PSTK: variants seen among roughly 807,000 people sequenced by gnomAD.
The protein encoded by PSTK is L-seryl-tRNA(Sec) kinase.
In PSTK, 26 loss-of-function variants were observed where a neutral mutation model predicts 38.6. The observed-to-expected ratio is 0.67, with a 90% CI of 0.49 to 0.94. The LOEUF (loss-of-function observed/expected upper bound fraction) is 0.94. Ranked by LOEUF, PSTK falls within the 40% of genes least tolerant of loss-of-function variation. PSTK has a pLI of 0.00. For missense variants in PSTK, 445 were observed against 436.3 expected (o/e 1.02, Z -0.18); for synonymous variants, 181 against 161.7 (o/e 1.12, Z -0.91).
intron 3 of PSTK, chr10:122,983,917 G>A (rs183493398): frequency 3.3e-4 from 53 of 158,348 alleles, no homozygotes; most frequent in Non-Finnish European, 5.6e-4. Context: ...CATTCATTAC[G>A]TATGTCTTGA....
Position 122,982,747 on chromosome 10 carries a change from A to T in PSTK, c.231A>T (p.Lys77Asn). 1 of 1,614,136 alleles carries T rather than the reference A, an allele frequency of 6.2e-7. No individual in the cohort carries two copies. Among genetic ancestry groups the T allele is most frequent in the Non-Finnish European group, 8.5e-7 (1 of 1,179,970 alleles). ...GTCTCTTGTAGCCATCCCAATGGAA[A>T]TTGCTTCGACAGGAACTGTTGAAGT... Reference protein sequence around the residue: ...ARARPAPSQWKLLRQELLKYL... With the variant: ...ARARPAPSQWNLLRQELLKYL... Residue 77 changes from lysine (K) to asparagine (N), a missense_variant, in exon 2 of 6, where the codon AAA becomes AAT. Physicochemically the swap from Lys to Asn is moderately conservative, Grantham distance 94. Coordinates refer to ENST00000406217, the MANE Select transcript of PSTK (RefSeq NM_001363531.2).
chr10:122,989,615 TA>T (rs1185465736), intron 5 of PSTK, among the ~76,000 whole-genome samples: 1 of 151,922 alleles, frequency 6.6e-6, no homozygotes, highest in African/African-American at 2.4e-5. Flanking sequence ...TGTGAGTATA[TA>T]AAAAAAACAC....
Position 122,986,424 on chromosome 10 carries a change from G to T in PSTK, c.783+49G>T, listed in dbSNP as rs749264449. The stretch of plus-strand genomic sequence containing the variant: ...TGTAAATGAGAAGGAACAACTTTTT[G>T]TAGGAAGATCTTTTGAGCCGAATAT... On this transcript the variant is annotated intron_variant, in intron 4 of 5. Coordinates refer to ENST00000406217, the MANE Select transcript of PSTK (RefSeq NM_001363531.2). 2.3e-6 allele frequency: 3 copies of T among 1,285,628 alleles called. No homozygotes were observed. In the Admixed American group the frequency reaches 5.1e-5, roughly 22 times the overall value. 79.6% of individuals were successfully genotyped at this position (1,285,628 alleles called of 1,614,324 possible).
At chr10:122,989,387 G>A (rs1028165338) in intron 5 of PSTK, among the ~76,000 whole-genome samples, 3 of 152,074 alleles carry the variant, frequency 2.0e-5, no homozygotes, top group African/African-American at 4.8e-5. Flanking sequence ...GAGTAGCTGG[G>A]ATTACAGGGA....
chr10:122,983,822 C>G (rs1404781631), intron 3 of PSTK: 1 of 236,228 alleles, frequency 4.2e-6, no homozygotes, highest in East Asian at 1.0e-4. Flanking sequence ...GCAACAGGTA[C>G]TGGGTCCTAT....
At chr10:122,986,996 GA>G in intron 5 of PSTK, 34 bp downstream of exon 5, 1 of 1,363,268 alleles carries the variant, frequency 7.3e-7, no homozygotes, top group Non-Finnish European at 1.0e-6. Flanking sequence ...GAGTTGGTAT[GA>G]TTGTGACTTT....
rs79236806 is a variant in PSTK, at chr10:122,983,421, G to A, written c.658G>A (p.Glu220Lys). The A allele has an allele frequency of 6.2e-7, 1 of 1,613,982 alleles. No individual in the cohort carries two copies. Among genetic ancestry groups the A allele is most frequent in the Non-Finnish European group, 8.5e-7 (1 of 1,180,032 alleles). ...GCCCAACCCTGAGAAAAATGCTTGG[G>A]AACACAACAGCCTCACAATTCCGAG... ...EKPNPEKNAW[E>K]HNSLTIPSPA... Residue 220 changes from glutamate (E) to lysine (K), a missense_variant, in exon 3 of 6, where the codon GAA becomes AAA. Glu to Lys is a moderately conservative substitution (Grantham distance 56). Transcript: ENST00000406217.
At chr10:122,986,748 A>G in intron 4 of PSTK, 121 bp from the exon 5 acceptor site, 1 of 655,418 alleles carries the variant, frequency 1.5e-6, no homozygotes, top group Non-Finnish European at 2.6e-6. Flanking sequence ...AGGGAAGAAT[A>G]ACAAACAGAA....
rs1315775602 is a variant in PSTK at position 122,980,464 on chromosome 10, G to A, written c.-16G>A. ...GGAGACGACGCTCCCAGACTCCTCC[G>A]GTCTCCCCGGGCAGCATGAAGACCG... is the stretch of plus-strand genomic sequence containing the variant. On this transcript the variant is annotated 5_prime_UTR_variant, in exon 1 of 6. Transcript: ENST00000406217. This position sits in a 1 kb window ranked among gnomAD's most constrained non-coding sequence, Gnocchi z 4.3. 2.1e-5 allele frequency: 33 copies of A among 1,576,024 alleles called. No individual in the cohort carries two copies. Among genetic ancestry groups the A allele is most frequent in the Non-Finnish European group, 2.7e-5 (32 of 1,165,214 alleles).
intron 4 of PSTK, 67 bp downstream of exon 4, chr10:122,986,442 C>A: frequency 1.7e-6 from 2 of 1,147,736 alleles, no homozygotes; most frequent in Non-Finnish European, 2.6e-6. Context: ...ATCTTTTGAG[C>A]CGAATATAAA....
intron 5 of PSTK, among the ~76,000 whole-genome samples, 155 bp downstream of exon 5, chr10:122,987,117 TC>T (rs1849045449): frequency 5.3e-5 from 8 of 152,252 alleles, no homozygotes; most frequent in Admixed American, 5.2e-4. Context: ...AACTAAAAAT[TC>T]TACCTCTGGA....
chr10:122,981,826 A>G (rs1848962484), intron 1 of PSTK, among the ~76,000 whole-genome samples: 1 of 152,136 alleles, frequency 6.6e-6, no homozygotes, highest in African/African-American at 2.4e-5. Flanking sequence ...CACTTGTATT[A>G]TGTTGTTTTT....
At chr10:122,981,192 C>T (rs539821908) in intron 1 of PSTK, among the ~76,000 whole-genome samples, 2 of 152,284 alleles carry the variant, frequency 1.3e-5, no homozygotes, top group East Asian at 1.9e-4. Context: ...AACAAAATTT[C>T]TGGGGTCCCT....
At chr10:122,987,861 C>A (rs1221020292) in intron 5 of PSTK, among the ~76,000 whole-genome samples, 2 of 152,148 alleles carry the variant, frequency 1.3e-5, no homozygotes, top group Non-Finnish European at 2.9e-5. Flanking sequence ...ATTTGGGTAA[C>A]CTGGGGTCCA....
At chr10:122,981,661 C>T (rs1363827556) in intron 1 of PSTK, among the ~76,000 whole-genome samples, 1 of 152,180 alleles carries the variant, frequency 6.6e-6, no homozygotes, top group Non-Finnish European at 1.5e-5. Flanking sequence ...CATGGGCTCT[C>T]CAGCAAGGTG....
rs1275036383 is a variant in PSTK, at chr10:122,980,843, C to T, written c.216+148C>T. 1.5e-6 allele frequency: 2 copies of T among 1,290,834 alleles called. No individual in the cohort carries two copies. The highest frequency in any genetic ancestry group is 4.9e-5 in the South Asian group (2 of 40,924). 80.0% of individuals were successfully genotyped at this position (1,290,834 alleles called of 1,614,324 possible). ...GAGGTGAAGTTCGAGAAAAGTGGAG[C>T]TGGGTTAACATAGTTACTGCAGAGG... On this transcript the variant is annotated intron_variant, in intron 1 of 5. Transcript: ENST00000406217. The surrounding 1 kb of genome is among the most constrained non-coding windows in gnomAD (Gnocchi z 4.3).
In PSTK at chr10:122,990,315, C is replaced by CT. The variant is rs1412519137; in HGVS notation, c.1026dup (p.His343SerfsTer3). ...ACCATTGACATACCAGATGTCATTT[C>CT]TTTTTTTCATTATGAGAAAGATAAT... On this transcript the variant is annotated frameshift_variant, in exon 6 of 6. Transcript: ENST00000406217. LOFTEE classifies it high-confidence loss of function. The CT allele has an allele frequency of 1.3e-6, 2 of 1,517,972 alleles. No homozygotes were observed. The highest frequency in any genetic ancestry group is 1.8e-6 in the Non-Finnish European group (2 of 1,134,964). 94.0% of individuals were successfully genotyped at this position (1,517,972 alleles called of 1,614,324 possible). A position where few individuals can be genotyped will look rare whatever the true frequency, so the allele number is the denominator to read the frequency against.
intron 5 of PSTK, among the ~76,000 whole-genome samples, chr10:122,988,505 C>T (rs902988906): frequency 2.6e-5 from 4 of 152,040 alleles, no homozygotes; most frequent in Admixed American, 6.6e-5. Context: ...GAAAAGACAA[C>T]CCATAGATGG....
chr10:122,983,177 C>A, intron 2 of PSTK, 95 bp from the exon 3 acceptor site: 1 of 1,258,492 alleles, frequency 7.9e-7, no homozygotes, highest in South Asian at 1.5e-5. Context: ...CGGAGTTTTT[C>A]CTACTATAAT....
Sources: gnomAD v4.1 joint callset for allele counts (sites outside exome capture counted in the v4.1 genomes callset) on GRCh38, gnomAD v4.1.1 for gene constraint, Gnocchi (gnomAD v3.1) non-coding constraint, MANE v1.5 for transcripts, NCBI Gene and HGNC (gene_info 2026-07-23, HGNC 2026-07-21) for gene names.